DLG2: variants seen among roughly 807,000 people sequenced by gnomAD.
The protein encoded by DLG2 is disks large homolog 2.
DLG2 carries 45 observed loss-of-function variants against 132.5 expected under a neutral mutation model. The observed-to-expected ratio is 0.34, with a 90% CI of 0.27 to 0.44. DLG2 has a LOEUF of 0.44. DLG2 is among the 20% of genes least tolerant of loss of function. The probability of loss-of-function intolerance (pLI) is 1.00; values close to 1 mark genes in which losing one functional copy is unlikely to be tolerated. For synonymous variants in DLG2, 424 were observed against 419.6 expected (o/e 1.01, Z -0.13); for missense variants, 1,045 against 1,196.9 (o/e 0.87, Z 1.87).
intron 6 of DLG2, among the ~76,000 whole-genome samples, chr11:84,913,553 C>T (rs879685680): frequency 6.6e-6 from 1 of 151,992 alleles, no homozygotes; most frequent in Non-Finnish European, 1.5e-5. Context: ...AAAAAGAAGC[C>T]TATGAATAAT....
intron 6 of DLG2, among the ~76,000 whole-genome samples, chr11:84,875,441 A>T (rs1416677665): frequency 1.3e-5 from 2 of 152,096 alleles, no homozygotes; most frequent in Non-Finnish European, 2.9e-5. Flanking sequence ...GACATGACTA[A>T]ACAGCCTATT....
chr11:85,021,521 C>A (rs758357271), intron 6 of DLG2: 133 of 1,564,444 alleles, frequency 8.5e-5, no homozygotes, highest in Admixed American at 4.3e-4. Flanking sequence ...ACAGAGGAGT[C>A]CACAATTTTG....
At chr11:85,213,227 A>G (rs1439052407) in intron 4 of DLG2, among the ~76,000 whole-genome samples, 1 of 152,206 alleles carries the variant, frequency 6.6e-6, no homozygotes, top group East Asian at 1.9e-4. Context: ...TCTGAGCCAA[A>G]TATGAGTGAT....
intron 8 of DLG2, among the ~76,000 whole-genome samples, chr11:84,165,062 A>C (rs540452796): frequency 6.6e-6 from 1 of 152,300 alleles, no homozygotes; most frequent in South Asian, 2.1e-4. Flanking sequence ...ATGATTTTTA[A>C]AATAATTTTC....
chr11:84,114,159 TA>T (rs909078168), intron 9 of DLG2, among the ~76,000 whole-genome samples: 5 of 152,096 alleles, frequency 3.3e-5, no homozygotes, highest in African/African-American at 4.8e-5. Flanking sequence ...TTATTACTTA[TA>T]AAAAATTTCA....
At chr11:83,900,293 T>C (rs1256782015) in intron 15 of DLG2, among the ~76,000 whole-genome samples, 1 of 152,200 alleles carries the variant, frequency 6.6e-6, no homozygotes, top group Non-Finnish European at 1.5e-5. Flanking sequence ...TCAGAAGAAA[T>C]TCAAGCCAGC....
chr11:84,849,332 C>T (rs964283514), intron 6 of DLG2, among the ~76,000 whole-genome samples: 2 of 152,132 alleles, frequency 1.3e-5, no homozygotes, highest in African/African-American at 4.8e-5. Context: ...TCAAGCATGT[C>T]GCTCATTCAC....
At chr11:83,833,536 T>C in intron 17 of DLG2, 78 bp downstream of exon 17, 1 of 1,416,046 alleles carries the variant, frequency 7.1e-7, no homozygotes, top group Non-Finnish European at 9.6e-7. Flanking sequence ...GTGCTTTTGG[T>C]ATCATAATTG....
chr11:85,161,856 G>C (rs1176179159), intron 4 of DLG2, among the ~76,000 whole-genome samples: 1 of 152,148 alleles, frequency 6.6e-6, no homozygotes, highest in Non-Finnish European at 1.5e-5. Flanking sequence ...CTCTGAATCA[G>C]CATCCAATGT....
chr11:85,450,008 T>A (rs2092174991), intron 3 of DLG2, among the ~76,000 whole-genome samples: 1 of 152,008 alleles, frequency 6.6e-6, no homozygotes, highest in South Asian at 2.1e-4. Context: ...ATGCCTGTAA[T>A]CCCAGCTACT....
At chr11:85,230,846 G>T (rs2075261194) in intron 4 of DLG2, among the ~76,000 whole-genome samples, 1 of 151,808 alleles carries the variant, frequency 6.6e-6, no homozygotes, top group Non-Finnish European at 1.5e-5. Context: ...CTTATAAAAG[G>T]GTTTCAGGGA....
At position 84,534,941 on chromosome 11, in the gene DLG2, T is replaced by A. The variant is rs114556046; in HGVS notation, c.358-210A>T. On this transcript the variant is annotated intron_variant, in intron 6 of 27. Coordinates refer to ENST00000376104, the MANE Select transcript of DLG2 (RefSeq NM_001142699.3). ...TGAGTTAACCACGAATATTGACCAA[T>A]GTCCAGACTTGTTTCTGCCTGATAA... The A allele has an allele frequency of 5.9e-6, 4 of 675,588 alleles. No individual in the cohort carries two copies. In the Admixed American group the frequency reaches 8.3e-5, roughly 14 times the overall value. The allele number at this position is 675,588 out of a possible 1,614,324, so 41.8% of individuals were successfully genotyped here.
At chr11:84,622,447 G>C (rs2099615661) in intron 6 of DLG2, among the ~76,000 whole-genome samples, 1 of 152,122 alleles carries the variant, frequency 6.6e-6, no homozygotes, top group African/African-American at 2.4e-5. Context: ...AAATCCAAAA[G>C]TCAGATTCCT....
intron 7 of DLG2, among the ~76,000 whole-genome samples, chr11:84,337,083 T>C (rs2098488574): frequency 1.3e-5 from 2 of 152,242 alleles, no homozygotes; most frequent in Admixed American, 6.5e-5. Context: ...ATGTGTTTTA[T>C]ATGTGCACAT....
intron 4 of DLG2, among the ~76,000 whole-genome samples, chr11:85,246,808 TC>T (rs1241607640): frequency 2.0e-5 from 3 of 152,088 alleles, no homozygotes; most frequent in Non-Finnish European, 4.4e-5. Flanking sequence ...TGAACATAAG[TC>T]TATATCCAAT....
chr11:84,108,272 G>A (rs910973627), intron 9 of DLG2, among the ~76,000 whole-genome samples: 4 of 152,118 alleles, frequency 2.6e-5, no homozygotes, highest in African/African-American at 9.7e-5. Context: ...TGTTAGTCAT[G>A]TGAGTATAGT....
chr11:84,984,891 G>A (rs142110235), intron 6 of DLG2, among the ~76,000 whole-genome samples: 163 of 152,170 alleles, frequency 1.1e-3, no homozygotes, highest in African/African-American at 3.8e-3. Flanking sequence ...AAGACATAGA[G>A]GGACATTATA....
At chr11:84,361,687 T>C (rs1477571252) in intron 7 of DLG2, among the ~76,000 whole-genome samples, 1 of 152,010 alleles carries the variant, frequency 6.6e-6, no homozygotes, top group Non-Finnish European at 1.5e-5. Context: ...GCATTTTTAA[T>C]CTCTTTAAGA....
At chr11:83,809,302 T>C (rs540928723) in intron 17 of DLG2, among the ~76,000 whole-genome samples, 2 of 152,258 alleles carry the variant, frequency 1.3e-5, no homozygotes, top group Non-Finnish European at 2.9e-5. Context: ...AAAACTAAAA[T>C]AGCAAAATTA....
Sources: allele counts gnomAD v4.1 joint callset (sites outside exome capture counted in the v4.1 genomes callset), GRCh38; gene constraint gnomAD v4.1.1; transcripts MANE v1.5; gene names NCBI Gene and HGNC (gene_info 2026-07-23, HGNC 2026-07-21).